Variants in CDH2 observed in about 807,000 individuals in gnomAD.
CDH2 encodes cadherin 2.
Under a neutral mutation model 92.0 loss-of-function variants are expected in CDH2, and 17 were observed. The ratio of observed to expected loss-of-function variants is 0.18; its 90% CI spans 0.13 to 0.28. The LOEUF (loss-of-function observed/expected upper bound fraction) is 0.28, where lower values mean the gene tolerates loss of function less well. Ranked by LOEUF, CDH2 falls within the 10% of genes least tolerant of loss-of-function variation. The probability of loss-of-function intolerance (pLI) is 1.00; values close to 1 mark genes in which losing one functional copy is unlikely to be tolerated. For synonymous variants in CDH2, 419 were observed against 415.9 expected, an observed-to-expected ratio of 1.01 and a Z score of -0.09; for missense variants, 862 against 1,133.1, an observed-to-expected ratio of 0.76 and a Z score of 3.44.
intron 2 of CDH2, among the ~76,000 whole-genome samples, chr18:28,037,323 A>G (rs780459126): frequency 1.8e-4 from 28 of 152,182 alleles, no homozygotes; most frequent in South Asian, 4.1e-4. Context: ...ATTTTTACAC[A>G]CCATGAAACT....
At chr18:28,029,290 A>C (rs1160066267) in intron 2 of CDH2, among the ~76,000 whole-genome samples, 1 of 152,166 alleles carries the variant, frequency 6.6e-6, no homozygotes, top group African/African-American at 2.4e-5. Flanking sequence ...ACAATAATAA[A>C]AGGCAATTTA....
At chr18:28,097,973 T>C (rs370948813) in intron 2 of CDH2, among the ~76,000 whole-genome samples, 2 of 152,164 alleles carry the variant, frequency 1.3e-5, no homozygotes, top group Non-Finnish European at 2.9e-5. Flanking sequence ...CTCTTGCAAA[T>C]AGCAAAAGTT....
At chr18:28,175,111 T>G (rs17536982) in intron 1 of CDH2, among the ~76,000 whole-genome samples, 10,975 of 151,820 alleles carry the variant, frequency 0.072, 1,286 homozygotes, top group African/African-American at 0.25. Context: ...AAACAATAAA[T>G]GAAGTGACAG....
intron 2 of CDH2, among the ~76,000 whole-genome samples, chr18:28,104,918 C>CATGTAAAATAT (rs1466522094): frequency 2.3e-4 from 35 of 151,874 alleles, no homozygotes; most frequent in Admixed American, 2.3e-3. Flanking sequence ...TAATGAAATA[C>CATGTAAAATAT]ATGTAAAATA....
chr18:28,155,689 C>T (rs548225490), intron 1 of CDH2, among the ~76,000 whole-genome samples: 18 of 152,280 alleles, frequency 1.2e-4, no homozygotes, highest in African/African-American at 4.3e-4. Context: ...ACACTGTTAA[C>T]GTCGTTAGTT....
At chr18:27,997,900 G>A (rs1239196877) in intron 7 of CDH2, among the ~76,000 whole-genome samples, 3 of 151,878 alleles carry the variant, frequency 2.0e-5, no homozygotes, top group African/African-American at 4.8e-5. Flanking sequence ...TCTGCCTCCC[G>A]GGTTCACGCC....
chr18:28,126,078 G>A (rs2015672729), intron 2 of CDH2, among the ~76,000 whole-genome samples: 1 of 152,106 alleles, frequency 6.6e-6, no homozygotes, highest in South Asian at 2.1e-4. Flanking sequence ...ATAAAAATGA[G>A]ATTGTTAAAA....
At chr18:28,132,869 G>T (rs772229029) in intron 2 of CDH2, among the ~76,000 whole-genome samples, 2 of 151,994 alleles carry the variant, frequency 1.3e-5, no homozygotes, top group South Asian at 4.2e-4. Context: ...TAGATGACTC[G>T]CACCCTATCA....
rs1418383015 is a variant in CDH2, at chr18:28,038,727, T to C, written c.173-24818A>G. Among the ~76,000 whole-genome samples the C allele has an allele frequency of 2.0e-5, 3 of 152,260 alleles. No homozygotes were observed. In the East Asian group the frequency reaches 5.8e-4, roughly 29 times the overall value. On this transcript the variant is annotated intron_variant, in intron 2 of 15. Coordinates refer to ENST00000269141, the MANE Select transcript of CDH2 (RefSeq NM_001792.5). ...CTTCAAAAAGGTATTTTACAAAATG[T>C]ACTGATGTCAGCCTTGTTTCGTGTT...
intron 14 of CDH2, among the ~76,000 whole-genome samples, chr18:27,971,856 A>C (rs548983242): frequency 6.6e-6 from 1 of 152,242 alleles, no homozygotes; most frequent in Admixed American, 6.5e-5. Flanking sequence ...CCATCTGTTA[A>C]GTTTGCTTAA....
At chr18:28,033,106 T>C (rs777860461) in intron 2 of CDH2, among the ~76,000 whole-genome samples, 5 of 151,864 alleles carry the variant, frequency 3.3e-5, no homozygotes, top group South Asian at 4.2e-4. Context: ...ATAATCCCAG[T>C]AGGGTATAGA....
chr18:28,013,930 G>A (rs749180009), intron 2 of CDH2, 21 bp from the exon 3 acceptor site: 22 of 1,571,098 alleles, frequency 1.4e-5, no homozygotes, highest in Non-Finnish European at 1.2e-5. Flanking sequence ...TAAGAAATAG[G>A]TCAGTTATTA....
chr18:28,007,521 A>T (rs1002286827), intron 5 of CDH2, among the ~76,000 whole-genome samples: 1 of 152,126 alleles, frequency 6.6e-6, no homozygotes, highest in Non-Finnish European at 1.5e-5. Flanking sequence ...TTATTTAAAC[A>T]CATAAAAACA....
chr18:27,967,343 A>T (rs1040810145), intron 14 of CDH2, among the ~76,000 whole-genome samples: 2 of 152,164 alleles, frequency 1.3e-5, no homozygotes, highest in Non-Finnish European at 2.9e-5. Context: ...ACCTTTTGAT[A>T]AAAAACGCTC....
intron 15 of CDH2, among the ~76,000 whole-genome samples, chr18:27,955,176 G>T (rs1397424447): frequency 6.6e-6 from 1 of 151,938 alleles, no homozygotes; most frequent in Non-Finnish European, 1.5e-5. Flanking sequence ...ACAGAGCCCT[G>T]GCCCAATCCT....
intron 2 of CDH2, among the ~76,000 whole-genome samples, chr18:28,136,451 G>A (rs764905235): frequency 4.4e-4 from 65 of 149,308 alleles, no homozygotes; most frequent in Non-Finnish European, 6.5e-4. Flanking sequence ...CATTAAACTC[G>A]TTTATCAGAG....
At chr18:28,074,525 C>A (rs2014681205) in intron 2 of CDH2, among the ~76,000 whole-genome samples, 1 of 152,038 alleles carries the variant, frequency 6.6e-6, no homozygotes, top group African/African-American at 2.4e-5. Context: ...GGATTACAGG[C>A]ATGAGCCACC....
chr18:27,965,719 G>A (rs2011516695), intron 14 of CDH2, among the ~76,000 whole-genome samples: 1 of 152,112 alleles, frequency 6.6e-6, no homozygotes, highest in Non-Finnish European at 1.5e-5. Context: ...ACGACAAAAA[G>A]AGGGATTTAG....
intron 2 of CDH2, among the ~76,000 whole-genome samples, chr18:28,032,893 C>T (rs2013733340): frequency 1.3e-5 from 2 of 151,978 alleles, no homozygotes; most frequent in Non-Finnish European, 2.9e-5. Context: ...TCCTAATCTA[C>T]CATTTACAGT....
Sources: allele counts gnomAD v4.1 joint callset (sites outside exome capture counted in the v4.1 genomes callset), GRCh38; gene constraint gnomAD v4.1.1; transcripts MANE v1.5; gene names NCBI Gene and HGNC (gene_info 2026-07-23, HGNC 2026-07-21).